Variants in PDE10A observed in about 807,000 individuals in gnomAD.
PDE10A encodes cAMP and cAMP-inhibited cGMP 3',5'-cyclic phosphodiesterase 10A.
In PDE10A, 39 loss-of-function variants were observed where a neutral mutation model predicts 97.7. That is an observed-to-expected ratio of 0.40 (90% confidence interval 0.31 to 0.52). The LOEUF (loss-of-function observed/expected upper bound fraction) is 0.52, where lower values mean the gene tolerates loss of function less well. Among genes scored for constraint, PDE10A ranks in the 20% least tolerant of loss-of-function variants. The pLI is 0.56. For missense variants in PDE10A, 731 were observed against 1,047.8 expected, an observed-to-expected ratio of 0.70 and a Z score of 4.17; for synonymous variants, 371 against 376.8, an observed-to-expected ratio of 0.98 and a Z score of 0.18.
chr6:165,459,518 TAGATAGACAGACAGACAGACAGAC>T lies in PDE10A; in HGVS notation c.1024-9180_1024-9157del, dbSNP rs1192222373. Among the ~76,000 whole-genome samples, 366 of 80,918 alleles carry T rather than the reference TAGATAGACAGACAGACAGACAGAC, an allele frequency of 4.5e-3. 3 individuals are homozygous for T. Among genetic ancestry groups the T allele is most frequent in the African/African-American group, 0.017 (324 of 19,106 alleles). 53.1% of individuals were successfully genotyped at this position (80,918 alleles called of 152,430 possible). A position where few individuals can be genotyped will look rare whatever the true frequency, so the allele number is the denominator to read the frequency against. ...ATAGATAGATAGATAGATAGATAGA[TAGATAGACAGACAGACAGACAGAC>T]AGACAGACAGACAGACAGATAGATA... On this transcript the variant is annotated intron_variant, in intron 3 of 21. Coordinates refer to ENST00000539869, the MANE Select transcript of PDE10A (RefSeq NM_001385079.1).
chr6:165,878,787 T>C (rs1781407802), intron 1 of PDE10A, among the ~76,000 whole-genome samples: 1 of 152,178 alleles, frequency 6.6e-6, no homozygotes, highest in South Asian at 2.1e-4. Flanking sequence ...ATAAGGGAGA[T>C]GTAGCAAAGG....
At chr6:165,617,305 G>A (rs533178645) in intron 1 of PDE10A, among the ~76,000 whole-genome samples, 1 of 152,274 alleles carries the variant, frequency 6.6e-6, no homozygotes, top group South Asian at 2.1e-4. Context: ...TTTACGCATT[G>A]CATCTACCGA....
Position 165,429,366 on chromosome 6 carries a change from T to A in PDE10A, c.1602-657A>T, listed in dbSNP as rs369366282. ...AAAATGTAAAGAAGGACTCTTAAGATAGACTGCACTGGCTAGGTAGTGTTT... is the reference window on the plus strand; with the variant it reads ...AAAATGTAAAGAAGGACTCTTAAGAAAGACTGCACTGGCTAGGTAGTGTTT... On this transcript the variant is annotated intron_variant, in intron 9 of 21. Coordinates refer to ENST00000539869, the MANE Select transcript of PDE10A (RefSeq NM_001385079.1). Among the ~76,000 whole-genome samples, 15 of 152,232 alleles carry A rather than the reference T, an allele frequency of 9.9e-5. 1 individual carries two copies. In the East Asian group the frequency reaches 2.1e-3, roughly 22 times the overall value.
At chr6:165,502,148 T>A (rs601118) in intron 2 of PDE10A, among the ~76,000 whole-genome samples, 27,189 of 152,138 alleles carry the variant, frequency 0.18, 3,136 homozygotes, top group African/African-American at 0.31. Context: ...CAGATGCACA[T>A]ATAAGGGTGA....
chr6:165,910,863 C>T (rs892022828), intron 1 of PDE10A: 2 of 152,198 alleles, frequency 1.3e-5, no homozygotes, highest in Admixed American at 1.3e-4. Context: ...ATGGTTTCGG[C>T]ATCTGATCAA....
intron 1 of PDE10A, among the ~76,000 whole-genome samples, chr6:165,808,743 A>G (rs1392847263): frequency 6.6e-6 from 1 of 152,238 alleles, no homozygotes; most frequent in Non-Finnish European, 1.5e-5. Flanking sequence ...TGAAGCCATC[A>G]TTTAAGTCAG....
Position 165,784,754 on chromosome 6 carries a change from C to T in PDE10A, c.-615+202775G>A, listed in dbSNP as rs114114193. On this transcript the variant is annotated intron_variant, in intron 1 of 19. Transcript: ENST00000366882. ...AAGCTAGATGGAATTCAGTGGCATC[C>T]GTAATAGGGTTTGCATGGGAAACTG... Among the ~76,000 whole-genome samples the T allele has an allele frequency of 9.1e-3, 1,380 of 152,190 alleles. 24 individuals are homozygous for T. Among genetic ancestry groups the T allele is most frequent in the African/African-American group, 0.032 (1,324 of 41,520 alleles).
At chr6:165,439,178 A>C (rs181564593) in intron 5 of PDE10A, among the ~76,000 whole-genome samples, 18 of 152,308 alleles carry the variant, frequency 1.2e-4, no homozygotes, top group African/African-American at 4.3e-4. Flanking sequence ...TTTTCATAGA[A>C]GGATGAATGG....
At chr6:165,576,221 T>C (rs904463741) in intron 1 of PDE10A, among the ~76,000 whole-genome samples, 1 of 152,178 alleles carries the variant, frequency 6.6e-6, no homozygotes, top group African/African-American at 2.4e-5. Context: ...ACCCTGTCAA[T>C]GATACTGTAG....
In PDE10A at chr6:165,641,826, A is replaced by C. The variant is rs151150062; in HGVS notation, c.865+20121T>G. Among the ~76,000 whole-genome samples, 566 of 152,356 alleles carry C rather than the reference A, an allele frequency of 3.7e-3. 2 individuals carry two copies. Among genetic ancestry groups the C allele is most frequent in the Non-Finnish European group, 5.9e-3 (402 of 68,038 alleles). Reference sequence around the variant, plus strand: ...CCAAGGAAGATGAGGAATAGAAAGCAATCTTTGAAACAGAACACGGTCCCG... The same window carrying C: ...CCAAGGAAGATGAGGAATAGAAAGCCATCTTTGAAACAGAACACGGTCCCG... On this transcript the variant is annotated intron_variant, in intron 1 of 21. Coordinates refer to ENST00000539869, the MANE Select transcript of PDE10A (RefSeq NM_001385079.1).
chr6:165,555,161 A>G (rs1481452156), intron 1 of PDE10A, among the ~76,000 whole-genome samples: 5 of 152,192 alleles, frequency 3.3e-5, no homozygotes, highest in Non-Finnish European at 5.9e-5. Context: ...TTTAAAATAA[A>G]GAATGTAATT....
Position 165,852,617 on chromosome 6 carries a change from C to T in PDE10A, c.-615+134912G>A, listed in dbSNP as rs573350233. 7.9e-5 allele frequency among the ~76,000 whole-genome samples: 12 copies of T among 152,298 alleles called. No individual in the cohort carries two copies. The East Asian group carries it at 1.9e-3, about 24-fold the overall frequency. ...GTCGTAGGACTGCCTTTCCCACTGC[C>T]AGCCCACCATGTGGAGAAGCACACT... is the stretch of plus-strand genomic sequence containing the variant. On this transcript the variant is annotated intron_variant, in intron 1 of 19. Transcript: ENST00000366882.
chr6:165,651,460 T>C (rs1789682917), intron 1 of PDE10A, among the ~76,000 whole-genome samples: 1 of 152,200 alleles, frequency 6.6e-6, no homozygotes, highest in Admixed American at 6.5e-5. Context: ...AGGGCCACAA[T>C]TCAAGAACTA....
At chr6:165,892,055 C>A (rs946253934) in intron 1 of PDE10A, among the ~76,000 whole-genome samples, 1 of 152,010 alleles carries the variant, frequency 6.6e-6, no homozygotes, top group African/African-American at 2.4e-5. Context: ...ATGATCCAAG[C>A]ATAAAATATC....
At chr6:165,619,410 T>TAGTATAGTGTAGTCC (rs1787952632) in intron 1 of PDE10A, among the ~76,000 whole-genome samples, 1 of 94,584 alleles carries the variant, frequency 1.1e-5, no homozygotes, top group Non-Finnish European at 2.1e-5. Context: ...TAGTGTAGTC[T>TAGTATAGTGTAGTCC]AGTGTAGTGT....
chr6:165,712,628 TTTC>T (rs1791924093), intron 1 of PDE10A, among the ~76,000 whole-genome samples: 8 of 121,702 alleles, frequency 6.6e-5, no homozygotes, highest in Non-Finnish European at 9.9e-5. Flanking sequence ...TTCAACTTTC[TTTC>T]TTTTTTTTTT....
chr6:165,741,632 A>T (rs1792723297), intron 1 of PDE10A, among the ~76,000 whole-genome samples: 1 of 152,232 alleles, frequency 6.6e-6, no homozygotes, highest in Non-Finnish European at 1.5e-5. Context: ...TACAGCATTT[A>T]AAAATATGCA....
chr6:165,738,457 A>G (rs1335219538), intron 1 of PDE10A, among the ~76,000 whole-genome samples: 2 of 151,140 alleles, frequency 1.3e-5, no homozygotes, highest in Non-Finnish European at 3.0e-5. Context: ...ATTGTGAATA[A>G]TGCCGCAGTA....
intron 11 of PDE10A, among the ~76,000 whole-genome samples, chr6:165,417,188 CAA>C (rs1389623780): frequency 2.0e-5 from 3 of 152,128 alleles, no homozygotes; most frequent in African/African-American, 7.2e-5. Flanking sequence ...CTTAAAACAC[CAA>C]AGAGTGAACC....
Sources: gnomAD v4.1 joint callset for allele counts (sites outside exome capture counted in the v4.1 genomes callset) on GRCh38, gnomAD v4.1.1 for gene constraint, MANE v1.5 for transcripts, NCBI Gene and HGNC (gene_info 2026-07-23, HGNC 2026-07-21) for gene names.